IQCH: variants seen among roughly 807,000 people sequenced by gnomAD.
IQCH encodes the protein IQ domain-containing protein H.
In IQCH, 98 loss-of-function variants were observed where a neutral mutation model predicts 117.0. The ratio of observed to expected loss-of-function variants is 0.84; its 90% CI spans 0.71 to 0.99. The LOEUF (loss-of-function observed/expected upper bound fraction) is 0.99. IQCH is among the 50% of genes least tolerant of loss of function. The pLI is 0.00. For missense variants in IQCH, 1,102 were observed against 1,243.8 expected (o/e 0.89, Z 1.72); for synonymous variants, 412 against 448.2 (o/e 0.92, Z 1.02).
rs1969205955 is a variant in IQCH at position 67,342,201 on chromosome 15, A to G, written c.509-1862A>G. Among the ~76,000 whole-genome samples, 1 of 152,128 alleles carries G rather than the reference A, an allele frequency of 6.6e-6. No individual in the cohort carries two copies. On this transcript the variant is annotated intron_variant, in intron 5 of 20. Coordinates refer to ENST00000335894, the MANE Select transcript of IQCH (RefSeq NM_001031715.3). This position sits in a 1 kb window ranked among gnomAD's most constrained non-coding sequence, Gnocchi z 4.7. ...AGGATCACTTTAGCCCAGGTATTCAAGGGTGCAGTGAGCTATGATGGTGCC... is the reference window on the plus strand; with the variant it reads ...AGGATCACTTTAGCCCAGGTATTCAGGGGTGCAGTGAGCTATGATGGTGCC...
chr15:67,484,340 A>G (rs57030473), intron 18 of IQCH, among the ~76,000 whole-genome samples: 55,323 of 151,656 alleles, frequency 0.36, 11,139 homozygotes, highest in Non-Finnish European at 0.46. Flanking sequence ...TGGGAAGTCG[A>G]GGCTACAGTG....
At chr15:67,337,860 A>G (rs1968964164) in intron 5 of IQCH, among the ~76,000 whole-genome samples, 1 of 152,306 alleles carries the variant, frequency 6.6e-6, no homozygotes, top group African/African-American at 2.4e-5. Flanking sequence ...TGGAATTTTT[A>G]GGACCCAAAG....
rs1330498917 is a variant in IQCH, at chr15:67,388,633, A to G, written c.1457-198A>G. Among the ~76,000 whole-genome samples the G allele has an allele frequency of 6.6e-6, 1 of 152,174 alleles. No individual in the cohort carries two copies. Among genetic ancestry groups the G allele is most frequent in the African/African-American group, 2.4e-5 (1 of 41,444 alleles). ...TATTTCGTTGGTGGTGGTGTTATTTATATTTTCTTTAGAGAAATGCCGAAC... is the reference window on the plus strand; with the variant it reads ...TATTTCGTTGGTGGTGGTGTTATTTGTATTTTCTTTAGAGAAATGCCGAAC... On this transcript the variant is annotated intron_variant, in intron 11 of 20. Coordinates refer to ENST00000335894, the MANE Select transcript of IQCH (RefSeq NM_001031715.3). The surrounding 1 kb of genome is among the most constrained non-coding windows in gnomAD (Gnocchi z 5.5).
intron 5 of IQCH, among the ~76,000 whole-genome samples, chr15:67,339,497 A>G (rs1734547540): frequency 6.6e-6 from 1 of 152,192 alleles, no homozygotes; most frequent in Non-Finnish European, 1.5e-5. Context: ...CACCAGACAG[A>G]ATTTATTTTC....
At chr15:67,275,033 G>C (rs1966065287) in intron 3 of IQCH, among the ~76,000 whole-genome samples, 2 of 152,290 alleles carry the variant, frequency 1.3e-5, no homozygotes, top group African/African-American at 4.8e-5. Context: ...TCTACAGCAT[G>C]GTACTGCCAC....
chr15:67,450,034 A>T (rs1317321070), intron 16 of IQCH, among the ~76,000 whole-genome samples: 1 of 152,022 alleles, frequency 6.6e-6, no homozygotes, highest in Non-Finnish European at 1.5e-5. Flanking sequence ...TTTGTCTGTT[A>T]TTGGTGTATA....
intron 8 of IQCH, among the ~76,000 whole-genome samples, chr15:67,362,696 C>G (rs1970187017): frequency 6.6e-6 from 1 of 152,196 alleles, no homozygotes; most frequent in Admixed American, 6.5e-5. Flanking sequence ...AATCCTCACC[C>G]CATAGCCCCA....
intron 6 of IQCH, among the ~76,000 whole-genome samples, chr15:67,350,679 G>A (rs994954435): frequency 6.6e-6 from 1 of 152,124 alleles, no homozygotes; most frequent in Middle Eastern, 3.2e-3. Flanking sequence ...ACTCGCCTAG[G>A]CCTCCCACAG....
At chr15:67,353,525 A>C (rs1292061960) in intron 6 of IQCH, among the ~76,000 whole-genome samples, 2 of 151,934 alleles carry the variant, frequency 1.3e-5, no homozygotes, top group Non-Finnish European at 2.9e-5. Flanking sequence ...ACGCCCGGCT[A>C]ATTTTTTGTA....
At chr15:67,360,793 G>C (rs1293135177) in intron 8 of IQCH, among the ~76,000 whole-genome samples, 2 of 152,340 alleles carry the variant, frequency 1.3e-5, no homozygotes, top group South Asian at 4.1e-4. Flanking sequence ...GCTGTGCCTA[G>C]ATAGAGCTGT....
At position 67,275,478 on chromosome 15, in the gene IQCH, T is replaced by C. The variant is rs185544411; in HGVS notation, c.270-3917T>C. On this transcript the variant is annotated intron_variant, in intron 3 of 20. Transcript: ENST00000335894. ...TAATGTATGTTTGTTTTTAGTTTTC[T>C]GTTATGGGAGCATGAAGCCAGCTTG... is the stretch of plus-strand genomic sequence containing the variant. Among the ~76,000 whole-genome samples the C allele has an allele frequency of 3.7e-4, 56 of 152,278 alleles. 1 individual carries two copies. Among genetic ancestry groups the C allele is most frequent in the Admixed American group, 1.7e-3 (26 of 15,304 alleles).
At chr15:67,350,076 G>A (rs954941829) in intron 6 of IQCH, among the ~76,000 whole-genome samples, 1 of 152,118 alleles carries the variant, frequency 6.6e-6, no homozygotes, top group African/African-American at 2.4e-5. Context: ...GTATATGAAG[G>A]TTTGTAATAT....
At chr15:67,444,472 A>G (rs1328724691) in intron 16 of IQCH, among the ~76,000 whole-genome samples, 1 of 152,160 alleles carries the variant, frequency 6.6e-6, no homozygotes, top group African/African-American at 2.4e-5. Context: ...CTCCCCCATA[A>G]TAATTTCACA....
chr15:67,261,178 A>G (rs1965445490), intron 1 of IQCH, 94 bp from the exon 2 acceptor site: 3 of 839,304 alleles, frequency 3.6e-6, no homozygotes, highest in South Asian at 2.2e-5. Context: ...TGTCTCTACC[A>G]ATTCAAGTAC....
At chr15:67,492,305 C>T (rs1447226382) in intron 19 of IQCH, among the ~76,000 whole-genome samples, 1 of 152,176 alleles carries the variant, frequency 6.6e-6, no homozygotes. Context: ...TGAACTGTGT[C>T]TTACTGGGCA....
At position 67,474,926 on chromosome 15, in the gene IQCH, T is replaced by C. The variant is rs1302815188; in HGVS notation, c.2677-770T>C. ...ACGTGGTCTTCCTCTCAAAAACACA[T>C]TACTACAGTCTAATCAGGAGAAAAA... On this transcript the variant is annotated intron_variant, in intron 17 of 20. Transcript: ENST00000335894. This position sits in a 1 kb window ranked among gnomAD's most constrained non-coding sequence, Gnocchi z 4.1. 1.3e-5 allele frequency among the ~76,000 whole-genome samples: 2 copies of C among 152,124 alleles called. No homozygotes were observed. Among genetic ancestry groups the C allele is most frequent in the East Asian group, 3.9e-4 (2 of 5,190 alleles).
chr15:67,278,972 G>A lies in IQCH; in HGVS notation c.270-423G>A, dbSNP rs980784895. Among the ~76,000 whole-genome samples, 4 of 152,148 alleles carry A rather than the reference G, an allele frequency of 2.6e-5. No homozygotes were observed. In the East Asian group the frequency reaches 5.8e-4, roughly 22 times the overall value. On this transcript the variant is annotated intron_variant, in intron 3 of 20. Transcript: ENST00000335894. The stretch of plus-strand genomic sequence containing the variant: ...TAAATCTTTACAACTATATAAAATA[G>A]CAGAGATTTCAAGAATATAAGTATT...
At position 67,387,595 on chromosome 15, in the gene IQCH, G is replaced by A. The variant is rs905894279; in HGVS notation, c.1457-1236G>A. ...CTGATCAAAAGGAATGTAGGTGTGG[G>A]GGCAGCTGGGGAATCACTGTTGGCC... is the stretch of plus-strand genomic sequence containing the variant. On this transcript the variant is annotated intron_variant, in intron 11 of 20. Transcript: ENST00000335894. This position sits in a 1 kb window ranked among gnomAD's most constrained non-coding sequence, Gnocchi z 4.8. Among the ~76,000 whole-genome samples the A allele has an allele frequency of 6.6e-6, 1 of 152,014 alleles. No homozygotes were observed. The highest frequency in any genetic ancestry group is 1.5e-5 in the Non-Finnish European group (1 of 67,996).
intron 18 of IQCH, among the ~76,000 whole-genome samples, chr15:67,485,902 C>T (rs2083461902): frequency 6.6e-6 from 1 of 152,088 alleles, no homozygotes; most frequent in Admixed American, 6.5e-5. Context: ...CATGATCGGC[C>T]CGCCTCAGCC....
Sources: gnomAD v4.1 joint callset for allele counts (sites outside exome capture counted in the v4.1 genomes callset) on GRCh38, gnomAD v4.1.1 for gene constraint, Gnocchi (gnomAD v3.1) non-coding constraint, MANE v1.5 for transcripts, NCBI Gene and HGNC (gene_info 2026-07-23, HGNC 2026-07-21) for gene names.